RPF1: variants seen among roughly 807,000 people sequenced by gnomAD.
RPF1 encodes ribosome production factor 1 homolog.
In RPF1, 34 loss-of-function variants were observed where a neutral mutation model predicts 41.9. That is an observed-to-expected ratio of 0.81 (90% CI 0.62 to 1.08). The LOEUF (loss-of-function observed/expected upper bound fraction) is 1.08, where lower values mean the gene tolerates loss of function less well. Among genes scored for constraint, RPF1 ranks in the 50% least tolerant of loss-of-function variants. The pLI is 0.00. For synonymous variants in RPF1, 140 were observed against 148.9 expected, an observed-to-expected ratio of 0.94 and a Z score of 0.43; for missense variants, 425 against 435.2, an observed-to-expected ratio of 0.98 and a Z score of 0.21.
intron 5 of RPF1, among the ~76,000 whole-genome samples, chr1:84,491,056 T>C (rs543410038): frequency 9.8e-6 from 1 of 102,548 alleles, no homozygotes; most frequent in Admixed American, 1.0e-4. Context: ...CAGGATTAAG[T>C]TTTTGAGGTA....
intron 5 of RPF1, among the ~76,000 whole-genome samples, chr1:84,492,233 A>G (rs1034718176): frequency 2.0e-5 from 3 of 151,976 alleles, no homozygotes; most frequent in African/African-American, 7.3e-5. Context: ...CCTAATGGTG[A>G]CACATGGGGG....
At chr1:84,487,106 G>A (rs1372707745) in intron 3 of RPF1, among the ~76,000 whole-genome samples, 1 of 152,092 alleles carries the variant, frequency 6.6e-6, no homozygotes, top group East Asian at 1.9e-4. Flanking sequence ...AAATTTGGGG[G>A]TAACAGGCAT....
At position 84,480,985 on chromosome 1, in the gene RPF1, AAAAG is replaced by A. The variant is rs748904411; in HGVS notation, c.264_267del (p.Glu90LeufsTer26). On this transcript the variant is annotated frameshift_variant, in exon 2 of 9. Transcript: ENST00000370654. LOFTEE classifies it high-confidence loss of function. ...AGTTGGCAGCTAAGAAAAAACTTAA[AAAAG>A]AAAGAGAGGCTCTTGGCGATAAGGT... 27 of 1,596,606 alleles carry A rather than the reference AAAAG, an allele frequency of 1.7e-5. No individual in the cohort carries two copies. The highest frequency in any genetic ancestry group is 4.5e-5 in the East Asian group (2 of 44,644).
intron 3 of RPF1, among the ~76,000 whole-genome samples, chr1:84,489,310 GT>G (rs1038180348): frequency 4.6e-5 from 7 of 151,750 alleles, no homozygotes. Context: ...TTGTTTGTTT[GT>G]TTTGTTTTTT....
intron 3 of RPF1, among the ~76,000 whole-genome samples, chr1:84,486,431 C>CA (rs989012022): frequency 4.6e-5 from 7 of 151,316 alleles, no homozygotes; most frequent in African/African-American, 7.3e-5. Context: ...ACTAAAAATA[C>CA]AAAAAAATTA....
intron 3 of RPF1, among the ~76,000 whole-genome samples, chr1:84,484,971 C>T (rs921563427): frequency 2.0e-5 from 3 of 151,956 alleles, no homozygotes; most frequent in African/African-American, 2.4e-5. Flanking sequence ...CGCACTTAGC[C>T]AGACCAGAAG....
At position 84,490,481 on chromosome 1, in the gene RPF1, T is replaced by TC. The variant is rs1681815462; in HGVS notation, c.616+9_616+10insC. The TC allele has an allele frequency of 6.4e-7, 1 of 1,563,136 alleles. No individual in the cohort carries two copies. Among genetic ancestry groups the TC allele is most frequent in the African/African-American group, 1.4e-5 (1 of 71,612 alleles). ...AGATCGTAAAACCCCAAGTATCCTT[T>TC]TTTTTTTTAAGGAGGTTTTCCTGTC... On this transcript the variant is annotated intron_variant, in intron 5 of 8. Coordinates refer to ENST00000370654, the MANE Select transcript of RPF1 (RefSeq NM_025065.7).
intron 5 of RPF1, 34 bp from the exon 6 acceptor site, chr1:84,495,339 A>G: frequency 1.1e-6 from 1 of 932,128 alleles, no homozygotes; most frequent in Non-Finnish European, 1.7e-6. Flanking sequence ...TAGATTACAG[A>G]GTTCAATGTG....
chr1:84,485,322 C>G (rs939087233), intron 3 of RPF1, among the ~76,000 whole-genome samples: 1 of 152,170 alleles, frequency 6.6e-6, no homozygotes, highest in African/African-American at 2.4e-5. Flanking sequence ...TGGTCTTGAA[C>G]CCCTGAGCTC....
intron 2 of RPF1, 122 bp downstream of exon 2, chr1:84,481,134 A>C: frequency 1.7e-6 from 1 of 577,812 alleles, no homozygotes; most frequent in Non-Finnish European, 3.0e-6. Flanking sequence ...GAAGAAATAC[A>C]AAAGTAATAT....
intron 8 of RPF1, 100 bp downstream of exon 8, chr1:84,496,470 T>G: frequency 9.8e-7 from 1 of 1,019,684 alleles, no homozygotes; most frequent in Non-Finnish European, 1.4e-6. Context: ...GATGCTGGGC[T>G]TAATACCTAG....
chr1:84,498,219 G>A lies in RPF1; in HGVS notation c.*749G>A. 1 of 152,514 alleles carries A rather than the reference G, an allele frequency of 6.6e-6. No homozygotes were observed. The highest frequency in any genetic ancestry group is 1.5e-5 in the Non-Finnish European group (1 of 68,032). 9.4% of individuals were successfully genotyped at this position (152,514 alleles called of 1,614,324 possible). ...AGTCTTGCCAGATGTATGGCATAAA[G>A]TCATGTGAGAAGAGTAGGTGGAAAA... is the stretch of plus-strand genomic sequence containing the variant. On this transcript the variant is annotated 3_prime_UTR_variant, in exon 9 of 9. Transcript: ENST00000370654.
At chr1:84,489,070 C>CT (rs1406881919) in intron 3 of RPF1, among the ~76,000 whole-genome samples, 3 of 151,840 alleles carry the variant, frequency 2.0e-5, no homozygotes, top group African/African-American at 4.8e-5. Context: ...CTCCTTTTAT[C>CT]TTTATTATTT....
chr1:84,487,398 A>C (rs1681755230), intron 3 of RPF1, among the ~76,000 whole-genome samples: 1 of 152,114 alleles, frequency 6.6e-6, no homozygotes, highest in African/African-American at 2.4e-5. Context: ...CATTTAATAT[A>C]AGTTGTTTTC....
chr1:84,495,936 A>G lies in RPF1; in HGVS notation c.754A>G (p.Thr252Ala), dbSNP rs375382930. 6.2e-7 allele frequency: 1 copy of G among 1,611,200 alleles called. No homozygotes were observed. Among genetic ancestry groups the G allele is most frequent in the African/African-American group, 1.3e-5 (1 of 74,976 alleles). ...HIPEIILNNF[T>A]TRLGHSIGRM... ...ACCTGAAATAATTCTGAATAATTTT[A>G]CAACACGGCTGGGTCATTCAATTGG... Residue 252 changes from threonine to alanine, a missense_variant, in exon 7 of 9, where the codon ACA becomes GCA. Coordinates refer to ENST00000370654, the MANE Select transcript of RPF1 (RefSeq NM_025065.7).
At chr1:84,490,944 A>T (rs1242971889) in intron 5 of RPF1, among the ~76,000 whole-genome samples, 1 of 152,190 alleles carries the variant, frequency 6.6e-6, no homozygotes, top group African/African-American at 2.4e-5. Flanking sequence ...CTCAGTGCAG[A>T]GGGACTACCA....
chr1:84,490,476 T>G lies in RPF1; in HGVS notation c.616+4T>G. 6.4e-7 allele frequency: 1 copy of G among 1,555,128 alleles called. No individual in the cohort carries two copies. The highest frequency in any genetic ancestry group is 8.6e-7 in the Non-Finnish European group (1 of 1,158,340). On this transcript the variant is annotated splice_donor_region_variant and intron_variant, in intron 5 of 8. Transcript: ENST00000370654. ...AATGAAGATCGTAAAACCCCAAGTA[T>G]CCTTTTTTTTTTTAAGGAGGTTTTC...
intron 8 of RPF1, 26 bp downstream of exon 8, chr1:84,496,396 TAA>T: frequency 6.4e-7 from 1 of 1,566,162 alleles, no homozygotes; most frequent in Non-Finnish European, 8.7e-7. Context: ...TTAAAAAGAC[TAA>T]GTCATTTTTA....
In RPF1 at chr1:84,495,978, C is replaced by A; in HGVS notation, c.796C>A (p.Leu266Ile). The change falls in exon 7 of 9, where the codon CTC becomes ATC. Residue 266 changes from leucine (L) to isoleucine (I), a missense_variant. Transcript: ENST00000370654. Reference protein sequence around the residue: ...GHSIGRMFASLFPHNPQFIGR... With the variant: ...GHSIGRMFASIFPHNPQFIGR... ...TTCAATTGGACGTATGTTTGCATCT[C>A]TCTTTCCTCATAATCCTCAATTTAT... 1 of 1,610,064 alleles carries A rather than the reference C, an allele frequency of 6.2e-7. No homozygotes were observed. The highest frequency in any genetic ancestry group is 8.5e-7 in the Non-Finnish European group (1 of 1,176,310).
Sources: allele counts gnomAD v4.1 joint callset (sites outside exome capture counted in the v4.1 genomes callset), GRCh38; gene constraint gnomAD v4.1.1; transcripts MANE v1.5; gene names NCBI Gene and HGNC (gene_info 2026-07-23, HGNC 2026-07-21).